Variants in BLTP1 observed in about 807,000 individuals in gnomAD.
BLTP1 encodes the protein fragile site-associated protein.
the BLTP1 span, among the ~76,000 whole-genome samples, chr4:122,341,154 CAA>C: frequency 1.3e-5 from 2 of 151,924 alleles, no homozygotes; most frequent in Non-Finnish European, 2.9e-5. Flanking sequence ...TATTTTTAAA[CAA>C]AGATATATTC....
chr4:122,167,372 C>G, the BLTP1 span, among the ~76,000 whole-genome samples: 3 of 152,134 alleles, frequency 2.0e-5, no homozygotes, highest in Non-Finnish European at 4.4e-5. Flanking sequence ...ATTTCTGCCG[C>G]AACATACTTT....
the BLTP1 span, chr4:122,219,644 A>G: frequency 1.0e-6 from 1 of 979,042 alleles, no homozygotes; most frequent in Non-Finnish European, 1.5e-6. Context: ...CATTCAGCAC[A>G]CACTTAGAAA....
chr4:122,349,497 A>G, the BLTP1 span: 1 of 1,601,986 alleles, frequency 6.2e-7, no homozygotes, highest in South Asian at 1.1e-5. This position sits in a 1 kb window ranked among gnomAD's most constrained non-coding sequence, Gnocchi z 4.5. Context: ...CAAAATTCAG[A>G]TTACTATGGG....
the BLTP1 span, chr4:122,346,975 T>G: frequency 1.3e-6 from 1 of 774,446 alleles, no homozygotes; most frequent in Non-Finnish European, 1.6e-6. Context: ...TTGTCTTCTT[T>G]GAGATTACAT....
At chr4:122,250,393 C>T in the BLTP1 span, 1 of 1,612,024 alleles carries the variant, frequency 6.2e-7, no homozygotes, top group Non-Finnish European at 8.5e-7. Flanking sequence ...TTTTATATAA[C>T]AGTTTTGGAA....
At chr4:122,264,247 A>G in the BLTP1 span, 1 of 1,590,258 alleles carries the variant, frequency 6.3e-7, no homozygotes, top group Non-Finnish European at 8.6e-7. Context: ...AATTTACTCC[A>G]TTAGGTGTTG....
At chr4:122,221,824 A>T in the BLTP1 span, 1 of 984,678 alleles carries the variant, frequency 1.0e-6, no homozygotes, top group Non-Finnish European at 1.2e-6. Context: ...AAAGTCTTCT[A>T]TGGATGAGTT....
the BLTP1 span, among the ~76,000 whole-genome samples, chr4:122,290,150 G>A: frequency 1.3e-5 from 2 of 152,172 alleles, no homozygotes; most frequent in Non-Finnish European, 2.9e-5. Context: ...GCTGGTTCTG[G>A]TTGTATCTGA....
chr4:122,157,957 C>A, the BLTP1 span, among the ~76,000 whole-genome samples: 2 of 152,088 alleles, frequency 1.3e-5, no homozygotes, highest in Non-Finnish European at 2.9e-5. Flanking sequence ...TCTCCCAAGT[C>A]CCTGTTTTTT....
chr4:122,226,944 C>T, the BLTP1 span: 12 of 723,714 alleles, frequency 1.7e-5, no homozygotes, highest in Non-Finnish European at 2.4e-5. Context: ...CAGCAAACTA[C>T]AGTTTTTTCA....
the BLTP1 span, chr4:122,247,592 G>A: frequency 8.6e-7 from 1 of 1,165,914 alleles, no homozygotes; most frequent in Non-Finnish European, 1.1e-6. Flanking sequence ...CCCCAAATTA[G>A]GAACTTCTAT....
the BLTP1 span, chr4:122,325,806 T>C: frequency 3.0e-5 from 30 of 997,506 alleles, no homozygotes; most frequent in Non-Finnish European, 1.3e-6. Flanking sequence ...GTCATTGTTA[T>C]TTTTCATGAG....
chr4:122,269,940 C>G, the BLTP1 span, among the ~76,000 whole-genome samples: 6 of 152,038 alleles, frequency 3.9e-5, no homozygotes, highest in African/African-American at 9.7e-5. Flanking sequence ...ATACCATTTT[C>G]TTTTTCTCCT....
chr4:122,229,886 A>G, the BLTP1 span: 1 of 1,555,700 alleles, frequency 6.4e-7, no homozygotes, highest in Non-Finnish European at 8.7e-7. Context: ...CTACTTAAAA[A>G]TACAGAAATT....
At chr4:122,186,365 A>G in the BLTP1 span, 3 of 431,714 alleles carry the variant, frequency 6.9e-6, no homozygotes, top group Non-Finnish European at 1.1e-5. Flanking sequence ...AAATAATTAT[A>G]TAATTATTTT....
the BLTP1 span, among the ~76,000 whole-genome samples, chr4:122,202,874 A>G: frequency 6.6e-6 from 1 of 152,018 alleles, no homozygotes; most frequent in East Asian, 1.9e-4. Context: ...TTCTCTATTG[A>G]AATTCACTCT....
At chr4:122,251,312 T>G in the BLTP1 span, 1 of 982,820 alleles carries the variant, frequency 1.0e-6, no homozygotes, top group Non-Finnish European at 1.2e-6. Flanking sequence ...TTCTGATCAC[T>G]TTGAAAATTA....
the BLTP1 span, among the ~76,000 whole-genome samples, chr4:122,259,292 G>A: frequency 1.3e-5 from 2 of 152,244 alleles, no homozygotes; most frequent in East Asian, 3.9e-4. Context: ...AAGCCAGACT[G>A]CCTTGGTTTG....
At chr4:122,222,162 G>C in the BLTP1 span, among the ~76,000 whole-genome samples, 2 of 152,124 alleles carry the variant, frequency 1.3e-5, no homozygotes, top group Non-Finnish European at 2.9e-5. Flanking sequence ...CTTGGAATTT[G>C]CTTGTCTACT....
Sources: allele counts gnomAD v4.1 joint callset (sites outside exome capture counted in the v4.1 genomes callset), GRCh38; gene constraint gnomAD v4.1.1; non-coding constraint Gnocchi (gnomAD v3.1); transcripts MANE v1.5; gene names NCBI Gene and HGNC (gene_info 2026-07-23, HGNC 2026-07-21).